The following CFDP1 variants were observed in gnomAD, a reference collection of about 807,000 sequenced individuals.
CFDP1 encodes chromatin remodeling protein CFDP1.
CFDP1 carries 31 observed loss-of-function variants against 40.1 expected under a neutral mutation model. That is an observed-to-expected ratio of 0.77 (90% CI 0.58 to 1.04). CFDP1 has a LOEUF of 1.04. Ranked by LOEUF, CFDP1 falls within the 50% of genes least tolerant of loss-of-function variation. The pLI, the probability that CFDP1 is intolerant of heterozygous loss-of-function variation, is 0.00. For synonymous variants in CFDP1, 167 were observed against 120.0 expected, an observed-to-expected ratio of 1.39 and a Z score of -2.56; for missense variants, 423 against 343.4, an observed-to-expected ratio of 1.23 and a Z score of -1.83.
chr16:75,334,730 G>A lies in CFDP1; in HGVS notation c.651-29548C>T, dbSNP rs139103239. ...AGCACTTTGGGAGGCTGACGCAGGC[G>A]GATAACTGGAGGTGAGGAGTTCAGG... On this transcript the variant is annotated intron_variant, in intron 5 of 6. Transcript: ENST00000283882. 2.0e-3 allele frequency among the ~76,000 whole-genome samples: 298 copies of A among 152,218 alleles called. No individual in the cohort carries two copies. In the Middle Eastern group the frequency reaches 0.024, roughly 12 times the overall value.
chr16:75,295,936 A>G (rs1567637287), intron 6 of CFDP1, among the ~76,000 whole-genome samples: 1 of 152,160 alleles, frequency 6.6e-6, no homozygotes, highest in Non-Finnish European at 1.5e-5. Flanking sequence ...CTGCTAACCA[A>G]AATGGTCTCA....
At chr16:75,376,987 G>A (rs1307008967) in intron 5 of CFDP1, among the ~76,000 whole-genome samples, 2 of 152,216 alleles carry the variant, frequency 1.3e-5, no homozygotes, top group African/African-American at 4.8e-5. Flanking sequence ...CAATGCCTAT[G>A]CGGTAACCCT....
chr16:75,406,539 C>G (rs2079100546), intron 4 of CFDP1: 1 of 150,806 alleles, frequency 6.6e-6, no homozygotes, highest in Non-Finnish European at 1.5e-5. Flanking sequence ...CATCTCTACT[C>G]AAAATATAAA....
chr16:75,425,455 T>A (rs2079329270), intron 1 of CFDP1, among the ~76,000 whole-genome samples: 1 of 150,508 alleles, frequency 6.6e-6, no homozygotes, highest in African/African-American at 2.4e-5. Flanking sequence ...AAAACTATTT[T>A]GAAAAAGAAT....
At chr16:75,335,979 T>C (rs2151517803) in intron 5 of CFDP1, among the ~76,000 whole-genome samples, 1 of 152,206 alleles carries the variant, frequency 6.6e-6, no homozygotes, top group Non-Finnish European at 1.5e-5. Flanking sequence ...GACTTCAAAA[T>C]GACAGAATTG....
intron 5 of CFDP1, among the ~76,000 whole-genome samples, chr16:75,309,074 C>A (rs115825512): frequency 0.015 from 2,354 of 152,242 alleles, 56 homozygotes; most frequent in African/African-American, 0.053. Context: ...GTGAATGACA[C>A]ACTGATAGCA....
At chr16:75,417,156 G>A (rs1238249922) in intron 1 of CFDP1, among the ~76,000 whole-genome samples, 1 of 151,904 alleles carries the variant, frequency 6.6e-6, no homozygotes, top group African/African-American at 2.4e-5. Flanking sequence ...GGGTGACAGT[G>A]AGACCCTGTC....
chr16:75,336,867 T>A (rs372830990), intron 5 of CFDP1, among the ~76,000 whole-genome samples: 8 of 152,258 alleles, frequency 5.3e-5, no homozygotes, highest in Non-Finnish European at 1.2e-4. Context: ...TAACAAAATT[T>A]AGCATCTTTT....
At position 75,395,100 on chromosome 16, in the gene CFDP1, C is replaced by G. The variant is rs1278665086; in HGVS notation, c.640G>C (p.Ala214Pro). Residue 214 changes from alanine to proline, a missense_variant, in exon 5 of 7, where the codon GCC becomes CCC. Coordinates refer to ENST00000283882, the MANE Select transcript of CFDP1 (RefSeq NM_006324.3). ...NVPSALPSLPAGSGLKRSSGM... is the reference protein window; with the variant it reads ...NVPSALPSLPPGSGLKRSSGM... Reference sequence around the variant, plus strand: ...GACTCAAATACTCACCCTGACCCGGCAGGGAGTGATGGCAGAGCTGAAGGA... The same window carrying G: ...GACTCAAATACTCACCCTGACCCGGGAGGGAGTGATGGCAGAGCTGAAGGA... 1.2e-6 allele frequency: 2 copies of G among 1,613,754 alleles called. No individual in the cohort carries two copies. The highest frequency in any genetic ancestry group is 2.2e-5 in the East Asian group (1 of 44,858).
At chr16:75,309,217 T>C (rs1330220938) in intron 5 of CFDP1, among the ~76,000 whole-genome samples, 1 of 152,174 alleles carries the variant, frequency 6.6e-6, no homozygotes, top group Non-Finnish European at 1.5e-5. Context: ...TTCAGTGTCC[T>C]AATCCTGGTG....
intron 6 of CFDP1, among the ~76,000 whole-genome samples, chr16:75,301,404 A>G (rs2078220378): frequency 6.6e-6 from 1 of 152,076 alleles, no homozygotes; most frequent in African/African-American, 2.4e-5. Context: ...TGGAGCGTCG[A>G]GGAGGTGCCT....
chr16:75,432,672 A>T (rs999193561), intron 1 of CFDP1, among the ~76,000 whole-genome samples: 1 of 152,226 alleles, frequency 6.6e-6, no homozygotes, highest in African/African-American at 2.4e-5. Context: ...ATGGGTGAAG[A>T]TACTTTCAAC....
chr16:75,347,343 C>CAAAAAAAAAAAAAAAAAAAAAAAA (rs762900031), intron 5 of CFDP1, among the ~76,000 whole-genome samples: 1 of 91,622 alleles, frequency 1.1e-5, no homozygotes, highest in Non-Finnish European at 2.1e-5. Flanking sequence ...GACTCCATCT[C>CAAAAAAAAAAAAAAAAAAAAAAAA]AAAAAAAAAA....
At chr16:75,316,765 T>G (rs1251170669) in intron 5 of CFDP1, among the ~76,000 whole-genome samples, 1 of 151,742 alleles carries the variant, frequency 6.6e-6, no homozygotes, top group Non-Finnish European at 1.5e-5. Flanking sequence ...AGGTCAGGAG[T>G]TCGAGACCAG....
intron 5 of CFDP1, 170 bp downstream of exon 5, chr16:75,394,920 G>T (rs1726940964): frequency 1.2e-5 from 10 of 807,510 alleles, no homozygotes; most frequent in Non-Finnish European, 1.8e-5. Flanking sequence ...GAAAGTTATG[G>T]CTAATTTTCC....
chr16:75,364,876 G>A (rs1183811962), intron 5 of CFDP1, among the ~76,000 whole-genome samples: 1 of 109,088 alleles, frequency 9.2e-6, no homozygotes, highest in African/African-American at 2.8e-5. Flanking sequence ...TCAGACCAAA[G>A]AGTTTGAGAA....
At chr16:75,410,267 T>C (rs1252894430) in intron 4 of CFDP1, among the ~76,000 whole-genome samples, 1 of 152,082 alleles carries the variant, frequency 6.6e-6, no homozygotes, top group African/African-American at 2.4e-5. Flanking sequence ...TATAAAATTA[T>C]TGATTGGCAC....
intron 5 of CFDP1, among the ~76,000 whole-genome samples, chr16:75,343,655 C>T (rs144476742): frequency 5.2e-4 from 79 of 152,328 alleles, no homozygotes; most frequent in African/African-American, 1.8e-3. Context: ...AATTATTTTA[C>T]AAGCTTCCAA....
At chr16:75,329,715 T>A (rs9936641) in intron 5 of CFDP1, among the ~76,000 whole-genome samples, 3 of 152,140 alleles carry the variant, frequency 2.0e-5, no homozygotes, top group Admixed American at 6.5e-5. Flanking sequence ...TGTGCAATCC[T>A]TTTTATAACA....
Sources: gnomAD v4.1 joint callset for allele counts (sites outside exome capture counted in the v4.1 genomes callset) on GRCh38, gnomAD v4.1.1 for gene constraint, MANE v1.5 for transcripts, NCBI Gene and HGNC (gene_info 2026-07-23, HGNC 2026-07-21) for gene names.